HLA-DQB1: variants seen among roughly 807,000 people sequenced by gnomAD.
HLA-DQB1 encodes the protein HLA class II histocompatibility antigen, DQ beta 1 chain.
HLA-DQB1 carries 13 observed loss-of-function variants against 26.4 expected under a neutral mutation model. The observed-to-expected ratio is 0.49, with a 90% CI of 0.32 to 0.78. The LOEUF is 0.78. Among genes scored for constraint, HLA-DQB1 ranks in the 30% least tolerant of loss-of-function variants. The pLI, the probability that HLA-DQB1 is intolerant of heterozygous loss-of-function variation, is 0.03. For missense variants in HLA-DQB1, 158 were observed against 326.2 expected (o/e 0.48, Z 3.97); for synonymous variants, 60 against 129.1 (o/e 0.46, Z 3.63).
At chr6:32,666,352 T>G (rs281860981) in intron 1 of HLA-DQB1, 147 bp downstream of exon 1, 1 of 422,988 alleles carries the variant, frequency 2.4e-6, no homozygotes, top group Non-Finnish European at 4.2e-6. Context: ...TAAATGGGAA[T>G]GCAACATAGC....
intron 4 of HLA-DQB1, 47 bp from the exon 5 acceptor site, chr6:32,660,296 G>T (rs745468884): frequency 2.1e-6 from 2 of 965,028 alleles, no homozygotes; most frequent in Non-Finnish European, 1.5e-6. Flanking sequence ...ATCCTGGTGG[G>T]CCTGCCATCT....
chr6:32,664,795 C>G lies in HLA-DQB1; in HGVS notation c.379+3G>C. ...GGCCTCACGGAGGGGCGACGACGCT[C>G]ACCTCTCCTCTGCAAGATCCCGCGG... On this transcript the variant is annotated splice_donor_region_variant and intron_variant, in intron 2 of 4. Coordinates refer to ENST00000434651, the Ensembl canonical transcript of HLA-DQB1. The G allele has an allele frequency of 1.9e-6, 2 of 1,034,750 alleles. 1 individual carries two copies. The highest frequency in any genetic ancestry group is 2.9e-5 in the South Asian group (2 of 68,640). 64.1% of individuals were successfully genotyped at this position (1,034,750 alleles called of 1,614,324 possible).
chr6:32,666,093 T>C (rs112128028), intron 1 of HLA-DQB1, among the ~76,000 whole-genome samples: 21,053 of 112,290 alleles, frequency 0.19, 2,039 homozygotes, highest in South Asian at 0.26. Flanking sequence ...CAGACACCAT[T>C]GCTGCCTCAC....
chr6:32,663,168 C>G lies in HLA-DQB1; in HGVS notation c.380-920G>C, dbSNP rs41270931. ...ACTGAAATCAGAGTCAGCTATGTGG[C>G]CTTATAAGATTTGTTCATCTTCAAC... On this transcript the variant is annotated intron_variant, in intron 2 of 4. Transcript: ENST00000434651. The G allele has an allele frequency of 1.5e-5, 2 of 133,156 alleles. 1 individual carries two copies. The highest frequency in any genetic ancestry group is 3.3e-5 in the Non-Finnish European group (2 of 60,576). 8.2% of individuals were successfully genotyped at this position (133,156 alleles called of 1,614,324 possible).
intron 1 of HLA-DQB1, 35 bp from the exon 2 acceptor site, chr6:32,665,102 A>G (rs41263827): frequency 0.15 from 150,299 of 975,970 alleles, 27,909 homozygotes; most frequent in Middle Eastern, 0.3. Context: ...GTCAGGCCCC[A>G]GCCCGGCCGC....
chr6:32,666,384 A>C, intron 1 of HLA-DQB1, 115 bp downstream of exon 1: 1 of 431,122 alleles, frequency 2.3e-6, no homozygotes, highest in Admixed American at 4.9e-5. Flanking sequence ...AGAGAGAGGA[A>C]ATGTTGATGA....
intron 3 of HLA-DQB1, 120 bp downstream of exon 3, chr6:32,661,847 C>G (rs281864223): frequency 3.6e-6 from 3 of 827,278 alleles, no homozygotes; most frequent in Non-Finnish European, 5.8e-6. Context: ...AAGAGGTGCT[C>G]TAGTCTCCTG....
chr6:32,660,770 CAT>C (rs754781697), intron 4 of HLA-DQB1: 136,598 of 724,190 alleles, frequency 0.19, 22,963 homozygotes, highest in Admixed American at 0.27. Context: ...AGGCCATGAA[CAT>C]GGACCACTGT....
Position 32,665,060 on chromosome 6 carries a change from GA to G in HLA-DQB1, c.116del (p.Phe39SerfsTer21). On this transcript the variant is annotated frameshift_variant, in exon 2 of 5. Transcript: ENST00000434651. LOFTEE classifies it high-confidence loss of function. ...AGCACATGCCCTTAAACTGGAACACGAAATCCTCTGCGGGGAATCACCGGCC... is the reference window on the plus strand; with the variant it reads ...AGCACATGCCCTTAAACTGGAACACGAATCCTCTGCGGGGAATCACCGGCC... 7.4e-7 allele frequency: 1 copy of G among 1,358,912 alleles called. No homozygotes were observed. Among genetic ancestry groups the G allele is most frequent in the South Asian group, 1.3e-5 (1 of 78,876 alleles). The allele number at this position is 1,358,912 out of a possible 1,614,324, so 84.2% of individuals were successfully genotyped here. A position where few individuals can be genotyped will look rare whatever the true frequency, so the allele number is the denominator to read the frequency against.
intron 1 of HLA-DQB1, 40 bp downstream of exon 1, chr6:32,666,459 C>T (rs750071545): frequency 2.6e-6 from 2 of 754,792 alleles, no homozygotes; most frequent in Admixed American, 2.6e-5. Context: ...GAGCCTGTTC[C>T]CAGAGTGGCG....
At chr6:32,665,102 A>AGCCTGGCCCTC in intron 1 of HLA-DQB1, 35 bp from the exon 2 acceptor site, 1 of 1,035,552 alleles carries the variant, frequency 9.7e-7, no homozygotes, top group Non-Finnish European at 1.3e-6. Flanking sequence ...GTCAGGCCCC[A>AGCCTGGCCCTC]GCCCGGCCGC....
At chr6:32,666,554 G>C (rs1049058) in exon 1 of HLA-DQB1, 222,346 of 1,043,406 alleles carry the variant, frequency 0.21, 52,790 homozygotes, top group East Asian at 0.52. Flanking sequence ...GCATCAAGGT[G>C]ACAGTTGCTA....
At chr6:32,661,035 C>T (rs9273542) in intron 4 of HLA-DQB1, among the ~76,000 whole-genome samples, 25,924 of 140,414 alleles carry the variant, frequency 0.18, 2,928 homozygotes, top group Non-Finnish European at 0.21. Flanking sequence ...TCCCCTAAAA[C>T]AAAGGAAATT....
chr6:32,665,592 C>A (rs9274453), intron 1 of HLA-DQB1, among the ~76,000 whole-genome samples: 51,867 of 110,438 alleles, frequency 0.47, 14,893 homozygotes, highest in Middle Eastern at 0.64. Flanking sequence ...AGGTTCACTC[C>A]CTTCTATGTT....
At chr6:32,660,919 C>G in intron 4 of HLA-DQB1, 1 of 1,414,270 alleles carries the variant, frequency 7.1e-7, no homozygotes, top group Non-Finnish European at 9.6e-7. Context: ...GGTCTCATTA[C>G]ACAAACAGCC....
intron 2 of HLA-DQB1, chr6:32,663,209 A>T (rs1379279552): frequency 1.4e-5 from 2 of 147,148 alleles, no homozygotes; most frequent in African/African-American, 5.0e-5. Context: ...GGGAGTAAAA[A>T]TAGAGGGCAC....
At chr6:32,665,101 C>CAGCCTGGACCT in intron 1 of HLA-DQB1, 34 bp from the exon 2 acceptor site, 1 of 1,113,574 alleles carries the variant, frequency 9.0e-7, no homozygotes. Flanking sequence ...AGTCAGGCCC[C>CAGCCTGGACCT]AGCCCGGCCG....
intron 1 of HLA-DQB1, among the ~76,000 whole-genome samples, chr6:32,665,777 A>G (rs550011103): frequency 1.5e-5 from 2 of 134,448 alleles, no homozygotes; most frequent in African/African-American, 5.5e-5. Flanking sequence ...AAATCATGAT[A>G]TCTACACACA....
chr6:32,661,903 A>G (rs2854272), intron 3 of HLA-DQB1, 64 bp downstream of exon 3: 398,302 of 1,112,812 alleles, frequency 0.36, 76,811 homozygotes, highest in Middle Eastern at 0.45. Context: ...GATGGGAAGG[A>G]ATGGGTCAGA....
Sources: gnomAD v4.1 joint callset for allele counts (sites outside exome capture counted in the v4.1 genomes callset) on GRCh38, gnomAD v4.1.1 for gene constraint, MANE v1.5 for transcripts, NCBI Gene and HGNC (gene_info 2026-07-23, HGNC 2026-07-21) for gene names.